Variants in ARHGAP40 observed in about 807,000 individuals in gnomAD.
The protein encoded by ARHGAP40 is rho GTPase-activating protein 40.
A neutral mutation model predicts 73.5 loss-of-function variants in ARHGAP40; 43 were observed. The ratio of observed to expected loss-of-function variants is 0.58; its 90% CI spans 0.46 to 0.75. ARHGAP40 has a LOEUF of 0.75. Ranked by LOEUF, ARHGAP40 falls within the 30% of genes least tolerant of loss-of-function variation. The pLI is 0.00. For missense variants in ARHGAP40, 734 were observed against 861.8 expected (o/e 0.85, Z 1.86); for synonymous variants, 300 against 352.8 (o/e 0.85, Z 1.68).
chr20:38,649,336 G>A (rs955228000), intron 14 of ARHGAP40, among the ~76,000 whole-genome samples: 2 of 152,228 alleles, frequency 1.3e-5, no homozygotes, highest in South Asian at 2.1e-4. Context: ...AGTAGTACAC[G>A]ATGCATTGAG....
chr20:38,607,263 C>G (rs928872102), intron 1 of ARHGAP40, among the ~76,000 whole-genome samples: 1 of 152,112 alleles, frequency 6.6e-6, no homozygotes, highest in Non-Finnish European at 1.5e-5. Context: ...TGGGAAAGTT[C>G]CTTCATTTCT....
intron 14 of ARHGAP40, 32 bp from the exon 15 acceptor site, chr20:38,649,725 C>T (rs1426983122): frequency 7.9e-7 from 1 of 1,266,920 alleles, no homozygotes; most frequent in Admixed American, 2.3e-5. Context: ...TACAGCCTCC[C>T]ACTCAACCTC....
exon 11 of ARHGAP40, chr20:38,643,904 G>C: frequency 7.7e-7 from 1 of 1,299,482 alleles, no homozygotes; most frequent in East Asian, 5.6e-5. Context: ...AGGATCTGCT[G>C]TGGACGGTGA....
intron 5 of ARHGAP40, among the ~76,000 whole-genome samples, chr20:38,632,503 C>T (rs1463909387): frequency 2.0e-5 from 3 of 151,476 alleles, no homozygotes; most frequent in Non-Finnish European, 2.9e-5. Flanking sequence ...CTTCGTGATC[C>T]GCCAGCCTCG....
Position 38,646,259 on chromosome 20 carries a change from C to T in ARHGAP40, c.1710+72C>T, listed in dbSNP as rs557613938. On this transcript the variant is annotated intron_variant, in intron 12 of 14. Coordinates refer to ENST00000373345, the Ensembl canonical transcript of ARHGAP40. The surrounding 1 kb of genome is among the most constrained non-coding windows in gnomAD (Gnocchi z 4.5). Reference sequence around the variant, plus strand: ...GGAGGGCACCTGGGGCGCGGTGCTTCCCTTCCTCCAGGTCCCCGCTACCGG... The same window carrying T: ...GGAGGGCACCTGGGGCGCGGTGCTTTCCTTCCTCCAGGTCCCCGCTACCGG... The T allele has an allele frequency of 1.1e-5, 13 of 1,218,706 alleles. No individual in the cohort carries two copies. In the South Asian group the frequency reaches 1.8e-4, roughly 17 times the overall value. 75.5% of individuals were successfully genotyped at this position (1,218,706 alleles called of 1,614,324 possible).
intron 1 of ARHGAP40, among the ~76,000 whole-genome samples, chr20:38,607,592 G>C (rs1343134758): frequency 2.0e-5 from 3 of 152,166 alleles, no homozygotes; most frequent in Admixed American, 2.0e-4. Flanking sequence ...ATTACACCAA[G>C]CAGTTAGGCT....
chr20:38,647,064 G>A, exon 13 of ARHGAP40: 1 of 1,305,322 alleles, frequency 7.7e-7, no homozygotes, highest in South Asian at 1.2e-5. Context: ...AGTTCACAGA[G>A]CACCTCAGCC....
chr20:38,627,480 T>G (rs2088906754), intron 3 of ARHGAP40, among the ~76,000 whole-genome samples: 1 of 148,838 alleles, frequency 6.7e-6, no homozygotes, highest in African/African-American at 2.5e-5. Flanking sequence ...GGGGTGTGTG[T>G]ATGTTGGTGT....
In ARHGAP40 at chr20:38,646,138, T is replaced by G; in HGVS notation, c.1661T>G (p.Leu554Arg). ...TGCGACGCAGGCCTCAAGACTTGGC[T>G]GCGGAGGATGCACGCAGACAGGGAC... Residue 554 changes from leucine (L) to arginine (R), a missense_variant, in exon 12 of 15, where the codon CTG becomes CGG. By Grantham distance (102) the Leu-to-Arg change is moderately radical (BLOSUM62 -2). Transcript: ENST00000373345. This position sits in a 1 kb window ranked among gnomAD's most constrained non-coding sequence, Gnocchi z 4.5. 1 of 1,304,064 alleles carries G rather than the reference T, an allele frequency of 7.7e-7. No homozygotes were observed. The highest frequency in any genetic ancestry group is 1.0e-6 in the Non-Finnish European group (1 of 988,784). 80.8% of individuals were successfully genotyped at this position (1,304,064 alleles called of 1,614,324 possible).
At chr20:38,615,229 T>A in intron 1 of ARHGAP40, 1 of 775,394 alleles carries the variant, frequency 1.3e-6, no homozygotes, top group South Asian at 1.4e-5. Context: ...GTAAAAAAGT[T>A]TCTTCCTTTC....
chr20:38,614,959 C>T (rs1052168824), intron 1 of ARHGAP40: 10 of 1,230,198 alleles, frequency 8.1e-6, no homozygotes, highest in Non-Finnish European at 1.2e-5. Context: ...GAGGTTTGTG[C>T]GAGTTTGTAC....
intron 1 of ARHGAP40, among the ~76,000 whole-genome samples, chr20:38,608,342 TC>T (rs1569006719): frequency 6.6e-6 from 1 of 152,146 alleles, no homozygotes; most frequent in Non-Finnish European, 1.5e-5. Flanking sequence ...CACCACCTCC[TC>T]CAGGAAGCCT....
At chr20:38,629,798 C>A in intron 5 of ARHGAP40, 148 bp downstream of exon 5, 1 of 918,832 alleles carries the variant, frequency 1.1e-6, no homozygotes, top group Non-Finnish European at 1.5e-6. Flanking sequence ...CAAATATTTA[C>A]TGAGTGACCG....
At chr20:38,649,136 T>A (rs1255329468) in intron 14 of ARHGAP40, among the ~76,000 whole-genome samples, 1 of 152,152 alleles carries the variant, frequency 6.6e-6, no homozygotes, top group Non-Finnish European at 1.5e-5. Context: ...GCTGTTTCCC[T>A]TTGCATTCTC....
chr20:38,604,471 C>T (rs2088759446), intron 1 of ARHGAP40, among the ~76,000 whole-genome samples: 1 of 150,748 alleles, frequency 6.6e-6, no homozygotes, highest in Non-Finnish European at 1.5e-5. Flanking sequence ...TCTCGGCTCA[C>T]TGCAACCTCC....
intron 1 of ARHGAP40, among the ~76,000 whole-genome samples, chr20:38,612,648 C>T (rs998079019): frequency 2.7e-5 from 4 of 148,820 alleles, no homozygotes; most frequent in African/African-American, 1.0e-4. Context: ...CCAACCTGGG[C>T]GAAAGAGTGG....
chr20:38,645,917 A>AG (rs1374073813), intron 11 of ARHGAP40, 130 bp from the exon 12 acceptor site: 2 of 806,506 alleles, frequency 2.5e-6, no homozygotes, highest in African/African-American at 3.3e-5. Flanking sequence ...TCCCGTGTCC[A>AG]ACAAATGCAT....
intron 1 of ARHGAP40, among the ~76,000 whole-genome samples, chr20:38,612,489 C>T (rs536160751): frequency 1.6e-4 from 24 of 152,218 alleles, no homozygotes; most frequent in African/African-American, 5.3e-4. Context: ...GCCTGGCCAA[C>T]GTGGAGAAAC....
intron 7 of ARHGAP40, among the ~76,000 whole-genome samples, chr20:38,638,049 C>T (rs1480365179): frequency 1.3e-5 from 2 of 151,766 alleles, no homozygotes; most frequent in Non-Finnish European, 2.9e-5. Flanking sequence ...GTGGCTCACA[C>T]CTGTAATCCC....
Sources: allele counts gnomAD v4.1 joint callset (sites outside exome capture counted in the v4.1 genomes callset), GRCh38; gene constraint gnomAD v4.1.1; non-coding constraint Gnocchi (gnomAD v3.1); transcripts MANE v1.5; gene names NCBI Gene and HGNC (gene_info 2026-07-23, HGNC 2026-07-21).